SBF2: variants seen among roughly 807,000 people sequenced by gnomAD.
The protein encoded by SBF2 is myotubularin-related protein 13.
A neutral mutation model predicts 225.2 loss-of-function variants in SBF2; 112 were observed. The observed-to-expected ratio is 0.50, with a 90% CI of 0.43 to 0.58. SBF2 has a LOEUF of 0.58. Among genes scored for constraint, SBF2 ranks in the 20% least tolerant of loss-of-function variants. SBF2 has a pLI of 0.00. For missense variants in SBF2, 1,996 were observed against 2,206.2 expected (o/e 0.90, Z 1.91); for synonymous variants, 763 against 773.3 (o/e 0.99, Z 0.22).
chr11:9,971,377 G>A (rs1867316029), intron 13 of SBF2, among the ~76,000 whole-genome samples: 1 of 151,938 alleles, frequency 6.6e-6, no homozygotes, highest in African/African-American at 2.4e-5. Flanking sequence ...GGGTGGTTTA[G>A]AAAAAGCAGG....
intron 6 of SBF2, among the ~76,000 whole-genome samples, chr11:10,010,546 G>C (rs1299851483): frequency 6.6e-6 from 1 of 152,150 alleles, no homozygotes. Context: ...TCAGATGGTT[G>C]TAGATGTATG....
chr11:10,012,431 G>A lies in SBF2; in HGVS notation c.620-9742C>T, dbSNP rs1333198942. ...TACTGGGATTACAGGTATGAGCCACGATGCCTGGCCTGTTTCAGTTATCAT... is the reference window on the plus strand; with the variant it reads ...TACTGGGATTACAGGTATGAGCCACAATGCCTGGCCTGTTTCAGTTATCAT... On this transcript the variant is annotated intron_variant, in intron 6 of 39. Coordinates refer to ENST00000256190, the MANE Select transcript of SBF2 (RefSeq NM_030962.4). Among the ~76,000 whole-genome samples the A allele has an allele frequency of 3.3e-5, 5 of 152,248 alleles. No individual in the cohort carries two copies. In the East Asian group the frequency reaches 5.8e-4, roughly 18 times the overall value.
chr11:9,993,237 C>T (rs1820296790), intron 10 of SBF2, 134 bp from the exon 11 acceptor site: 1 of 663,442 alleles, frequency 1.5e-6, no homozygotes, highest in Non-Finnish European at 2.6e-6. Context: ...ACAGTCACAA[C>T]CAAACATAAG....
At chr11:9,905,212 T>C (rs1344694043) in intron 16 of SBF2, among the ~76,000 whole-genome samples, 2 of 152,222 alleles carry the variant, frequency 1.3e-5, no homozygotes, top group Non-Finnish European at 2.9e-5. Flanking sequence ...ATGCTTAGCA[T>C]ATCACACTCT....
chr11:9,855,208 G>A (rs1003410286), intron 19 of SBF2, among the ~76,000 whole-genome samples: 2 of 152,184 alleles, frequency 1.3e-5, no homozygotes, highest in African/African-American at 2.4e-5. Context: ...GGATGAACAA[G>A]AAACTCTATA....
Position 9,968,481 on chromosome 11 carries a change from C to G in SBF2, c.1460G>C (p.Arg487Pro). Residue 487 changes from arginine to proline, a missense_variant, in exon 14 of 40, where the codon CGA (arginine) becomes CCA (proline). Coordinates refer to ENST00000256190, the MANE Select transcript of SBF2 (RefSeq NM_030962.4). Reference sequence around the variant, plus strand: ...CTCTGGGAAAGGAAGAATATGAACTCGCAAATGGGATCCTTCTGTTGGCCG... The same window carrying G: ...CTCTGGGAAAGGAAGAATATGAACTGGCAAATGGGATCCTTCTGTTGGCCG... ...VPRPTEGSHL[R>P]VHILPFPEIN... 6.2e-7 allele frequency: 1 copy of G among 1,614,028 alleles called. No individual in the cohort carries two copies.
chr11:10,059,023 A>C (rs1950344234), intron 2 of SBF2, among the ~76,000 whole-genome samples: 1 of 152,194 alleles, frequency 6.6e-6, no homozygotes, highest in African/African-American at 2.4e-5. Context: ...TAAATATAGA[A>C]AGGAAAGACT....
At chr11:9,799,043 C>T (rs1162216149) in intron 32 of SBF2, among the ~76,000 whole-genome samples, 1 of 151,954 alleles carries the variant, frequency 6.6e-6, no homozygotes, top group East Asian at 1.9e-4. Context: ...TCATAGAAAC[C>T]AGATACCTCA....
intron 2 of SBF2, among the ~76,000 whole-genome samples, chr11:10,140,749 T>C (rs1031838630): frequency 2.0e-5 from 3 of 152,082 alleles, no homozygotes; most frequent in African/African-American, 7.2e-5. Flanking sequence ...GGAGCAGTCT[T>C]GTGGGACTGA....
At chr11:10,197,846 T>G (rs1360931720) in intron 1 of SBF2, among the ~76,000 whole-genome samples, 1 of 152,230 alleles carries the variant, frequency 6.6e-6, no homozygotes, top group African/African-American at 2.4e-5. Context: ...AGAAACCATT[T>G]TCTTTGTTTA....
intron 2 of SBF2, among the ~76,000 whole-genome samples, chr11:10,089,820 A>G (rs1215102309): frequency 6.6e-6 from 1 of 152,206 alleles, no homozygotes; most frequent in Non-Finnish European, 1.5e-5. Context: ...ATTAAGTAGA[A>G]AGGAGGTGGG....
chr11:10,051,281 A>C (rs1277391011), intron 2 of SBF2, among the ~76,000 whole-genome samples: 1 of 152,174 alleles, frequency 6.6e-6, no homozygotes, highest in Non-Finnish European at 1.5e-5. Flanking sequence ...TCCTAATAGA[A>C]AATAATAAAC....
intron 1 of SBF2, among the ~76,000 whole-genome samples, chr11:10,225,950 G>A (rs746619192): frequency 5.3e-5 from 8 of 152,132 alleles, no homozygotes; most frequent in Non-Finnish European, 1.2e-4. Flanking sequence ...AAATATTCAT[G>A]CCTTTTAAAC....
intron 1 of SBF2, among the ~76,000 whole-genome samples, chr11:10,222,103 T>C (rs1383542075): frequency 6.6e-6 from 1 of 152,200 alleles, no homozygotes; most frequent in African/African-American, 2.4e-5. Context: ...TAAGAACTAC[T>C]GCTCAAGAGA....
intron 16 of SBF2, among the ~76,000 whole-genome samples, chr11:9,910,713 C>A (rs7926259): frequency 0.77 from 114,966 of 149,406 alleles, 44,567 homozygotes; most frequent in African/African-American, 0.82. Flanking sequence ...AAAAAAAAAA[C>A]AACTTTTTTT....
chr11:10,299,347 A>G (rs1964575503), intron 1 of SBF2, among the ~76,000 whole-genome samples: 1 of 151,622 alleles, frequency 6.6e-6, no homozygotes, highest in Non-Finnish European at 1.5e-5. Flanking sequence ...CAAAAAAAAA[A>G]AAAAAAAAAA....
chr11:9,835,804 T>C (rs1241660295), intron 26 of SBF2, among the ~76,000 whole-genome samples: 1 of 152,130 alleles, frequency 6.6e-6, no homozygotes, highest in Non-Finnish European at 1.5e-5. Context: ...CACGTGTAGT[T>C]TGTTCATTTT....
chr11:10,028,718 T>C (rs977266119), intron 5 of SBF2, among the ~76,000 whole-genome samples, 161 bp from the exon 6 acceptor site: 2 of 152,234 alleles, frequency 1.3e-5, no homozygotes, highest in African/African-American at 2.4e-5. Context: ...TTTAAGTTCT[T>C]TGTATACTTA....
chr11:10,134,028 C>T lies in SBF2; in HGVS notation c.141+59874G>A, dbSNP rs536928258. On this transcript the variant is annotated intron_variant, in intron 2 of 39. Transcript: ENST00000256190. The stretch of plus-strand genomic sequence containing the variant: ...TCCGATTTTATGCTGCTGATAAAGA[C>T]ATACCTGAGACCGGGCAATTTACAA... 2.6e-5 allele frequency among the ~76,000 whole-genome samples: 4 copies of T among 152,336 alleles called. No individual in the cohort carries two copies. In the South Asian group the frequency reaches 8.3e-4, roughly 32 times the overall value.
Sources: gnomAD v4.1 joint callset for allele counts (sites outside exome capture counted in the v4.1 genomes callset) on GRCh38, gnomAD v4.1.1 for gene constraint, MANE v1.5 for transcripts, NCBI Gene and HGNC (gene_info 2026-07-23, HGNC 2026-07-21) for gene names.